ANKRD11: variants seen among roughly 807,000 people sequenced by gnomAD.
The protein encoded by ANKRD11 is ankyrin repeat domain-containing protein 11.
ANKRD11 carries 17 observed loss-of-function variants against 195.7 expected under a neutral mutation model. The ratio of observed to expected loss-of-function variants is 0.09; its 90% CI spans 0.06 to 0.13. ANKRD11 has a LOEUF of 0.13. Ranked by LOEUF, ANKRD11 falls within the 10% of genes least tolerant of loss-of-function variation. ANKRD11 has a pLI of 1.00. For synonymous variants in ANKRD11, 1,953 were observed against 1,528.1 expected, an observed-to-expected ratio of 1.28 and a Z score of -6.49; for missense variants, 3,735 against 3,566.1, an observed-to-expected ratio of 1.05 and a Z score of -1.21.
Position 89,285,685 on chromosome 16 carries a change from C to T in ANKRD11, c.893-36G>A. ...TAGGAAGCGAGAGGTCACAGGCAGG[C>T]TCAAAACAGCTCTCCCCAGAATGGC... is the stretch of plus-strand genomic sequence containing the variant. On this transcript the variant is annotated intron_variant, in intron 8 of 12. Coordinates refer to ENST00000301030, the MANE Select transcript of ANKRD11 (RefSeq NM_013275.6). The surrounding 1 kb of genome is among the most constrained non-coding windows in gnomAD (Gnocchi z 5.6). The T allele has an allele frequency of 6.2e-7, 1 of 1,603,590 alleles. No individual in the cohort carries two copies. Among genetic ancestry groups the T allele is most frequent in the Non-Finnish European group, 8.5e-7 (1 of 1,170,472 alleles).
chr16:89,345,341 C>A (rs2038890562), intron 2 of ANKRD11, among the ~76,000 whole-genome samples: 1 of 150,016 alleles, frequency 6.7e-6, no homozygotes, highest in Non-Finnish European at 1.5e-5. Context: ...AGTGCCGACA[C>A]CCCCCGGCAC....
intron 2 of ANKRD11, among the ~76,000 whole-genome samples, chr16:89,320,638 G>A (rs910708281): frequency 1.3e-5 from 2 of 151,924 alleles, no homozygotes; most frequent in Non-Finnish European, 2.9e-5. Flanking sequence ...TCCCCCACAC[G>A]AGCCACTGGC....
rs1258800765 is a variant in ANKRD11, at chr16:89,281,941, A to G, written c.4601T>C (p.Phe1534Ser). ...CTTTTCTTTCTCTGCACCGTCCTTG[A>G]ATTTCTCCTTCAGTTTGGCATCGCC... Reference protein sequence around the residue: ...RLGDAKLKEKFKDGAEKEKGD... With the variant: ...RLGDAKLKEKSKDGAEKEKGD... The change falls in exon 9 of 13, where the codon TTC becomes TCC. Residue 1534 changes from phenylalanine (F) to serine (S), a missense_variant. By Grantham distance (155) the Phe-to-Ser change is radical (BLOSUM62 -2). Transcript: ENST00000301030. This position sits in a 1 kb window ranked among gnomAD's most constrained non-coding sequence, Gnocchi z 5.5. 6.2e-7 allele frequency: 1 copy of G among 1,612,700 alleles called. No homozygotes were observed. Among genetic ancestry groups the G allele is most frequent in the Non-Finnish European group, 8.5e-7 (1 of 1,180,020 alleles).
Position 89,280,866 on chromosome 16 carries a change from A to G in ANKRD11, c.5676T>C (p.Pro1892=), listed in dbSNP as rs1384204298. ...VFSSLQAKPS[P]SPRAELLVPS... is the part of the protein sequence containing the mutation. ...GAACCAGCAGCTCGGCTCTGGGGGA[A>G]GGGGAAGGTTTTGCTTGTAAACTTG... The change falls in exon 9 of 13, where the codon CCT becomes CCC. Residue 1892 remains proline, a synonymous_variant. Coordinates refer to ENST00000301030, the MANE Select transcript of ANKRD11 (RefSeq NM_013275.6). 2 of 1,604,242 alleles carry G rather than the reference A, an allele frequency of 1.2e-6. No homozygotes were observed. Among genetic ancestry groups the G allele is most frequent in the Non-Finnish European group, 1.7e-6 (2 of 1,172,740 alleles).
chr16:89,323,191 AG>A, intron 2 of ANKRD11: 1 of 685,904 alleles, frequency 1.5e-6, no homozygotes, highest in African/African-American at 1.9e-5. Context: ...CACACCTCAC[AG>A]GGAGAGAAGT....
chr16:89,289,979 G>A (rs1310938729), intron 6 of ANKRD11, among the ~76,000 whole-genome samples: 1 of 152,226 alleles, frequency 6.6e-6, no homozygotes, highest in African/African-American at 2.4e-5. Flanking sequence ...TCAGTGAGTC[G>A]TGATCACGCC....
At chr16:89,462,706 C>A (rs1379285941) in intron 1 of ANKRD11, among the ~76,000 whole-genome samples, 1 of 151,048 alleles carries the variant, frequency 6.6e-6, no homozygotes, top group Non-Finnish European at 1.5e-5. Context: ...ATGTGGGGAG[C>A]GCCTCTGCCC....
intron 2 of ANKRD11, among the ~76,000 whole-genome samples, chr16:89,384,879 C>CTTTCTTTTTTT (rs2040832957): frequency 2.0e-5 from 1 of 49,910 alleles, no homozygotes; most frequent in African/African-American, 7.9e-5. Flanking sequence ...AAATAGTTTT[C>CTTTCTTTTTTT]TTTTTTTTTT....
chr16:89,312,188 G>A (rs748860453), intron 3 of ANKRD11, among the ~76,000 whole-genome samples: 6 of 152,194 alleles, frequency 3.9e-5, no homozygotes, highest in African/African-American at 9.6e-5. Flanking sequence ...GTGAGCCACC[G>A]CACCTGGCCA....
chr16:89,463,233 C>A (rs796623122), intron 1 of ANKRD11, among the ~76,000 whole-genome samples: 3 of 152,120 alleles, frequency 2.0e-5, no homozygotes, highest in Non-Finnish European at 4.4e-5. Flanking sequence ...GAATAGAAAG[C>A]GGGGAAAGGT....
chr16:89,390,362 G>GA (rs1395617829), intron 2 of ANKRD11, among the ~76,000 whole-genome samples: 18 of 152,016 alleles, frequency 1.2e-4, no homozygotes, highest in African/African-American at 3.6e-4. Flanking sequence ...CGAGTGTGGC[G>GA]GGGAGCACTG....
At chr16:89,428,767 G>A (rs542911709) in intron 1 of ANKRD11, among the ~76,000 whole-genome samples, 2 of 151,810 alleles carry the variant, frequency 1.3e-5, no homozygotes, top group East Asian at 1.9e-4. Flanking sequence ...GGTGGCAGGC[G>A]CCTGTAGTCC....
intron 1 of ANKRD11, among the ~76,000 whole-genome samples, chr16:89,449,180 G>A (rs2043945712): frequency 7.3e-6 from 1 of 137,102 alleles, no homozygotes; most frequent in African/African-American, 2.8e-5. Flanking sequence ...GTGAAACCCA[G>A]TCTCTACAAA....
intron 1 of ANKRD11, among the ~76,000 whole-genome samples, chr16:89,425,726 T>C (rs1232386292): frequency 6.6e-6 from 1 of 152,038 alleles, no homozygotes; most frequent in Non-Finnish European, 1.5e-5. Flanking sequence ...AAGGGTGGGG[T>C]GCTATTCATT....
In ANKRD11 at chr16:89,291,524, C is replaced by T. The variant is rs961304723; in HGVS notation, c.227-341G>A. On this transcript the variant is annotated intron_variant, in intron 4 of 12. Coordinates refer to ENST00000301030, the MANE Select transcript of ANKRD11 (RefSeq NM_013275.6). This position sits in a 1 kb window ranked among gnomAD's most constrained non-coding sequence, Gnocchi z 5.3. ...TGAATGCGGTGGGACAGCTTAGCAC[C>T]GGTGACCTGGCTCACACAGGACAGG... is the stretch of plus-strand genomic sequence containing the variant. Among the ~76,000 whole-genome samples, 3 of 152,190 alleles carry T rather than the reference C, an allele frequency of 2.0e-5. No individual in the cohort carries two copies. Among genetic ancestry groups the T allele is most frequent in the African/African-American group, 4.8e-5 (2 of 41,454 alleles).
chr16:89,430,797 T>C (rs1459217874), intron 1 of ANKRD11, among the ~76,000 whole-genome samples: 1 of 152,206 alleles, frequency 6.6e-6, no homozygotes, highest in Non-Finnish European at 1.5e-5. Flanking sequence ...ATGAATTGTT[T>C]CTTTCTTAAG....
At chr16:89,445,233 G>A (rs985377724) in intron 1 of ANKRD11, among the ~76,000 whole-genome samples, 4 of 152,210 alleles carry the variant, frequency 2.6e-5, no homozygotes, top group Non-Finnish European at 5.9e-5. Flanking sequence ...GTTTGGACAT[G>A]GCATTAACCA....
intron 2 of ANKRD11, among the ~76,000 whole-genome samples, chr16:89,371,274 T>G (rs2040181177): frequency 6.6e-6 from 1 of 152,184 alleles, no homozygotes; most frequent in South Asian, 2.1e-4. Context: ...AGGTTCAGCA[T>G]GACACCACTA....
In ANKRD11 at chr16:89,291,665, C is replaced by T. The variant is rs903420806; in HGVS notation, c.227-482G>A. 7.8e-7 allele frequency: 1 copy of T among 1,290,114 alleles called. No individual in the cohort carries two copies. Among genetic ancestry groups the T allele is most frequent in the Non-Finnish European group, 1.0e-6 (1 of 988,920 alleles). The allele number at this position is 1,290,114 out of a possible 1,614,324, so 79.9% of individuals were successfully genotyped here. On this transcript the variant is annotated intron_variant, in intron 4 of 12. Transcript: ENST00000301030. This position sits in a 1 kb window ranked among gnomAD's most constrained non-coding sequence, Gnocchi z 5.3. ...AAACACATCAGTAAATCAAGGCCAA[C>T]TGGTCAGTACTGTACCTTTCTTCTT...
Sources: gnomAD v4.1 joint callset for allele counts (sites outside exome capture counted in the v4.1 genomes callset) on GRCh38, gnomAD v4.1.1 for gene constraint, Gnocchi (gnomAD v3.1) non-coding constraint, MANE v1.5 for transcripts, NCBI Gene and HGNC (gene_info 2026-07-23, HGNC 2026-07-21) for gene names.